PRSS23: variants seen among roughly 807,000 people sequenced by gnomAD.
PRSS23 encodes protease, serine 23.
A neutral mutation model predicts 34.7 loss-of-function variants in PRSS23; 25 were observed. That is an observed-to-expected ratio of 0.72 (90% confidence interval 0.53 to 1.01). The LOEUF is 1.01. Ranked by LOEUF, PRSS23 falls within the 50% of genes least tolerant of loss-of-function variation. PRSS23 has a pLI of 0.00. For missense variants in PRSS23, 445 were observed against 475.6 expected (o/e 0.94, Z 0.60); for synonymous variants, 176 against 186.6 (o/e 0.94, Z 0.46).
At chr11:86,854,546 G>T (rs1469438057) in intron 2 of PRSS23, among the ~76,000 whole-genome samples, 2 of 152,100 alleles carry the variant, frequency 1.3e-5, no homozygotes, top group African/African-American at 4.8e-5. Context: ...ATTTTCTTTT[G>T]TTGCCTATGC....
chr11:86,860,922 C>A (rs961373213), intron 2 of PRSS23, among the ~76,000 whole-genome samples: 1 of 151,542 alleles, frequency 6.6e-6, no homozygotes, highest in African/African-American at 2.4e-5. Flanking sequence ...TCTTAATATC[C>A]GTGGGGTGAG....
intron 1 of PRSS23, among the ~76,000 whole-genome samples, chr11:86,817,489 C>T (rs916806106): frequency 2.6e-5 from 4 of 152,298 alleles, no homozygotes; most frequent in African/African-American, 9.6e-5. Context: ...ACCTCTATTT[C>T]TGGCTCATGG....
At chr11:86,910,821 C>T (rs551659048) in intron 2 of PRSS23, 1 of 152,198 alleles carries the variant, frequency 6.6e-6, no homozygotes, top group South Asian at 2.1e-4. Context: ...GTTTGTTTTC[C>T]CATTATGTGA....
At chr11:86,802,634 T>C (rs867328915) in intron 1 of PRSS23, among the ~76,000 whole-genome samples, 1 of 152,212 alleles carries the variant, frequency 6.6e-6, no homozygotes. Context: ...GTCATTACTG[T>C]TTATAGCGGC....
chr11:86,817,145 A>G (rs1191406968), intron 1 of PRSS23, among the ~76,000 whole-genome samples: 2 of 151,498 alleles, frequency 1.3e-5, no homozygotes, highest in Admixed American at 1.3e-4. Flanking sequence ...TTTTTTTGTG[A>G]TTTTTTTTAT....
rs1948173617 is a variant in PRSS23, at chr11:86,811,085, A to G, written c.*2290A>G. On this transcript the variant is annotated 3_prime_UTR_variant, in exon 2 of 2. Coordinates refer to ENST00000280258, the MANE Select transcript of PRSS23 (RefSeq NM_007173.6). ...ACCAAAAGTAAAAAGGGTTGTATTA[A>G]GTCAGAGGAAGATGCCTCTCCATTT... is the stretch of plus-strand genomic sequence containing the variant. 6.0e-6 allele frequency: 1 copy of G among 167,070 alleles called. No homozygotes were observed. The highest frequency in any genetic ancestry group is 2.4e-5 in the African/African-American group (1 of 41,460). 10.3% of individuals were successfully genotyped at this position (167,070 alleles called of 1,614,324 possible). A position where few individuals can be genotyped will look rare whatever the true frequency, so the allele number is the denominator to read the frequency against.
intron 2 of PRSS23, among the ~76,000 whole-genome samples, chr11:86,932,446 T>G (rs1009331441): frequency 6.6e-6 from 1 of 152,136 alleles, no homozygotes; most frequent in Non-Finnish European, 1.5e-5. Context: ...AAGAGTTTGC[T>G]GGGGGCTGAG....
chr11:86,926,755 T>C (rs962229400), intron 2 of PRSS23, among the ~76,000 whole-genome samples: 5 of 152,230 alleles, frequency 3.3e-5, no homozygotes, highest in Admixed American at 3.3e-4. Context: ...CAAGCACTCA[T>C]AGTTCAACTG....
At chr11:86,904,029 AAAAT>A (rs1948927300) in intron 2 of PRSS23, among the ~76,000 whole-genome samples, 1 of 152,212 alleles carries the variant, frequency 6.6e-6, no homozygotes, top group Admixed American at 6.5e-5. Flanking sequence ...GCTTCAGAGA[AAAAT>A]AAATCTAAAA....
At chr11:86,831,375 T>A (rs372223264) in intron 2 of PRSS23, among the ~76,000 whole-genome samples, 2 of 151,906 alleles carry the variant, frequency 1.3e-5, no homozygotes, top group African/African-American at 4.8e-5. Context: ...TCACAGGGTG[T>A]GTACACCCTG....
At position 86,808,160 on chromosome 11, in the gene PRSS23, GCTGCCCA is replaced by G. The variant is rs1948128583; in HGVS notation, c.522_528del (p.His175TyrfsTer8). 1 of 1,614,074 alleles carries G rather than the reference GCTGCCCA, an allele frequency of 6.2e-7. No individual in the cohort carries two copies. The highest frequency in any genetic ancestry group is 1.3e-5 in the African/African-American group (1 of 74,946). ...GGTGGCAGAGAAGCATGTCCTCACA[GCTGCCCA>G]CTGCATACACGATGGAAAAACCTAT... On this transcript the variant is annotated frameshift_variant, in exon 2 of 2. Coordinates refer to ENST00000280258, the MANE Select transcript of PRSS23 (RefSeq NM_007173.6). LOFTEE classifies it high-confidence loss of function.
chr11:86,792,938 T>A (rs745593578), intron 1 of PRSS23, among the ~76,000 whole-genome samples: 4 of 152,198 alleles, frequency 2.6e-5, no homozygotes, highest in Non-Finnish European at 5.9e-5. Flanking sequence ...AGTGGTACAG[T>A]CACAGCTCAC....
chr11:86,829,352 T>G (rs1242969748), intron 2 of PRSS23, among the ~76,000 whole-genome samples: 5 of 152,246 alleles, frequency 3.3e-5, no homozygotes, highest in Admixed American at 6.5e-5. Context: ...CGTCAGCTCC[T>G]TTAAGCACTT....
rs752236627 is a variant in PRSS23, at chr11:86,808,833, T to C, written c.*38T>C. ...TCCTGGCAGCAATTAAGGGTCTTCA[T>C]GTTCTTATTTTAGGAGAGGCCAAAT... On this transcript the variant is annotated 3_prime_UTR_variant, in exon 2 of 2. Transcript: ENST00000280258. 1 of 1,543,298 alleles carries C rather than the reference T, an allele frequency of 6.5e-7. No individual in the cohort carries two copies.
At chr11:86,880,142 T>A (rs1485992962) in intron 2 of PRSS23, among the ~76,000 whole-genome samples, 2 of 152,106 alleles carry the variant, frequency 1.3e-5, no homozygotes, top group East Asian at 1.9e-4. Context: ...ATCGGTGACC[T>A]TACCCCCAAC....
intron 2 of PRSS23, among the ~76,000 whole-genome samples, chr11:86,879,535 C>A (rs573535846): frequency 1.4e-4 from 18 of 129,552 alleles, no homozygotes; most frequent in Admixed American, 1.1e-3. Context: ...CCGCCCCGTC[C>A]GGGAGGGAGG....
At chr11:86,865,930 A>G (rs1948646502) in intron 2 of PRSS23, among the ~76,000 whole-genome samples, 1 of 152,204 alleles carries the variant, frequency 6.6e-6, no homozygotes, top group Non-Finnish European at 1.5e-5. Context: ...GCGATTAAAA[A>G]ACCATAGGCC....
chr11:86,916,276 T>C (rs1486088217), intron 2 of PRSS23, among the ~76,000 whole-genome samples: 3 of 152,218 alleles, frequency 2.0e-5, no homozygotes, highest in Non-Finnish European at 4.4e-5. Flanking sequence ...TTCTGAGTTT[T>C]CTATGATGAG....
At chr11:86,795,597 C>A (rs1947975812), upstream of PRSS23, among the ~76,000 whole-genome samples, 1 of 152,238 alleles carries the variant, frequency 6.6e-6, no homozygotes, top group South Asian at 2.1e-4. Flanking sequence ...TATCTAGGTT[C>A]TCTACTAACA....
Sources: gnomAD v4.1 joint callset for allele counts (sites outside exome capture counted in the v4.1 genomes callset) on GRCh38, gnomAD v4.1.1 for gene constraint, MANE v1.5 for transcripts, NCBI Gene and HGNC (gene_info 2026-07-23, HGNC 2026-07-21) for gene names.